The following MGMT variants were observed in gnomAD, a reference collection of about 807,000 sequenced individuals.
The protein encoded by MGMT is O-6-methylguanine-DNA methyltransferase.
MGMT carries 14 observed loss-of-function variants against 15.9 expected under a neutral mutation model. The observed-to-expected ratio is 0.88, with a 90% CI of 0.58 to 1.37. The LOEUF is 1.37. MGMT is among the 40% of genes most tolerant of loss of function. MGMT has a pLI of 0.00. For missense variants in MGMT, 282 were observed against 268.1 expected, an observed-to-expected ratio of 1.05 and a Z score of -0.36; for synonymous variants, 130 against 118.2, an observed-to-expected ratio of 1.10 and a Z score of -0.65.
At chr10:129,687,697 C>T (rs115159392) in intron 2 of MGMT, among the ~76,000 whole-genome samples, 7,828 of 137,880 alleles carry the variant, frequency 0.057, 691 homozygotes, top group African/African-American at 0.2. Context: ...CATGTGTAGC[C>T]CTTTTTTTTT....
chr10:129,485,358 C>G (rs568155095), intron 1 of MGMT, among the ~76,000 whole-genome samples: 13 of 152,332 alleles, frequency 8.5e-5, no homozygotes, highest in African/African-American at 3.1e-4. Flanking sequence ...GATGACCCTC[C>G]TCCTCCTTGG....
chr10:129,619,497 A>G (rs1290074793), intron 2 of MGMT, among the ~76,000 whole-genome samples: 3 of 152,166 alleles, frequency 2.0e-5, no homozygotes, highest in Non-Finnish European at 2.9e-5. Context: ...TATCGGGGTA[A>G]TGCTGGCTTC....
chr10:129,502,282 T>G (rs1004611491), intron 1 of MGMT, among the ~76,000 whole-genome samples: 4 of 151,652 alleles, frequency 2.6e-5, no homozygotes, highest in African/African-American at 9.7e-5. Flanking sequence ...CCTGTCTGCT[T>G]CTTCATCTAC....
intron 3 of MGMT, among the ~76,000 whole-genome samples, chr10:129,742,975 T>C (rs1341712045): frequency 6.7e-6 from 1 of 149,120 alleles, no homozygotes; most frequent in Non-Finnish European, 1.5e-5. Flanking sequence ...ACTTGATGCT[T>C]AGCCTTCAAA....
chr10:129,557,506 A>T (rs1305766104), intron 2 of MGMT, among the ~76,000 whole-genome samples: 1 of 152,248 alleles, frequency 6.6e-6, no homozygotes, highest in East Asian at 1.9e-4. Flanking sequence ...TTGTCCTCAG[A>T]TAATAACCTA....
chr10:129,651,414 A>G (rs1381643992), intron 2 of MGMT, among the ~76,000 whole-genome samples: 2 of 152,148 alleles, frequency 1.3e-5, no homozygotes, highest in Admixed American at 1.3e-4. Flanking sequence ...TTTTTAAGAA[A>G]AAAAAAAGCA....
chr10:129,730,699 C>T (rs1488176975), intron 3 of MGMT, among the ~76,000 whole-genome samples: 1 of 152,206 alleles, frequency 6.6e-6, no homozygotes, highest in Non-Finnish European at 1.5e-5. Context: ...CCTGCTTGCC[C>T]TGCCCTCCTC....
intron 3 of MGMT, among the ~76,000 whole-genome samples, chr10:129,751,459 A>T (rs1589975848): frequency 1.3e-5 from 2 of 151,476 alleles, no homozygotes; most frequent in African/African-American, 4.8e-5. Flanking sequence ...CATTTCATGG[A>T]ACTCATTTTT....
At chr10:129,684,015 C>A (rs1042851429) in intron 2 of MGMT, among the ~76,000 whole-genome samples, 1 of 152,230 alleles carries the variant, frequency 6.6e-6, no homozygotes, top group Non-Finnish European at 1.5e-5. Flanking sequence ...AGCCCAGACA[C>A]TTCATTACAG....
At chr10:129,523,589 T>C (rs12240584) in intron 1 of MGMT, among the ~76,000 whole-genome samples, 33,472 of 152,112 alleles carry the variant, frequency 0.22, 4,270 homozygotes, top group Non-Finnish European at 0.28. Flanking sequence ...AGCTCCCTGG[T>C]TCACACAAGA....
At chr10:129,685,631 G>A (rs948751809) in intron 2 of MGMT, among the ~76,000 whole-genome samples, 67 of 152,234 alleles carry the variant, frequency 4.4e-4, no homozygotes, top group African/African-American at 1.2e-3. Flanking sequence ...TAAGTAGCTT[G>A]TGCAGTGAAT....
At chr10:129,502,389 T>C (rs1456985671) in intron 1 of MGMT, among the ~76,000 whole-genome samples, 1 of 152,142 alleles carries the variant, frequency 6.6e-6, no homozygotes, top group Non-Finnish European at 1.5e-5. Context: ...GTTAATACGT[T>C]GCGTTCCTAC....
chr10:129,732,091 A>G (rs943886667), intron 3 of MGMT, among the ~76,000 whole-genome samples: 1 of 152,186 alleles, frequency 6.6e-6, no homozygotes, highest in Admixed American at 6.5e-5. Context: ...TGTTCTAAAA[A>G]GTCCATTTCT....
chr10:129,743,403 G>A lies in MGMT; in HGVS notation c.275-15799G>A, dbSNP rs527423198. ...ACAGAGATGTCCTCTGTGGCCCTCCGTTGGCCGACCCTGTTGGGTGCAGCA... is the reference window on the plus strand; with the variant it reads ...ACAGAGATGTCCTCTGTGGCCCTCCATTGGCCGACCCTGTTGGGTGCAGCA... On this transcript the variant is annotated intron_variant, in intron 3 of 4. Coordinates refer to ENST00000651593, the MANE Select transcript of MGMT (RefSeq NM_002412.5). Among the ~76,000 whole-genome samples, 41 of 152,330 alleles carry A rather than the reference G, an allele frequency of 2.7e-4. No individual in the cohort carries two copies. The Middle Eastern group carries it at 0.014, about 51-fold the overall frequency.
chr10:129,684,779 A>G (rs556639359), intron 2 of MGMT, among the ~76,000 whole-genome samples: 16 of 152,166 alleles, frequency 1.1e-4, no homozygotes, highest in African/African-American at 3.9e-4. Flanking sequence ...CACCTTTCTC[A>G]TGGTTCAACA....
intron 2 of MGMT, among the ~76,000 whole-genome samples, chr10:129,559,687 A>G (rs1326448605): frequency 6.6e-6 from 1 of 152,188 alleles, no homozygotes; most frequent in Non-Finnish European, 1.5e-5. Flanking sequence ...ATATCATCTT[A>G]GTCATCAGGA....
At chr10:129,720,265 G>C (rs560200624) in intron 3 of MGMT, among the ~76,000 whole-genome samples, 1 of 152,248 alleles carries the variant, frequency 6.6e-6, no homozygotes, top group Non-Finnish European at 1.5e-5. Context: ...ATAAATGGCT[G>C]CCTGCTGGGA....
chr10:129,579,312 A>G (rs1234407811), intron 2 of MGMT, among the ~76,000 whole-genome samples: 1 of 152,154 alleles, frequency 6.6e-6, no homozygotes, highest in Non-Finnish European at 1.5e-5. Flanking sequence ...CTGCAGCCAC[A>G]CCTGTGCTCA....
intron 2 of MGMT, among the ~76,000 whole-genome samples, chr10:129,569,865 A>T (rs145903486): frequency 2.6e-5 from 4 of 152,240 alleles, no homozygotes; most frequent in African/African-American, 9.6e-5. Flanking sequence ...GCAGGTTGTG[A>T]ATTACTTTTT....
Sources: allele counts gnomAD v4.1 joint callset (sites outside exome capture counted in the v4.1 genomes callset), GRCh38; gene constraint gnomAD v4.1.1; transcripts MANE v1.5; gene names NCBI Gene and HGNC (gene_info 2026-07-23, HGNC 2026-07-21).